The following IFT140 variants were observed in gnomAD, a reference collection of about 807,000 sequenced individuals.
IFT140 encodes the protein intraflagellar transport 140.
In IFT140, 133 loss-of-function variants were observed where a neutral mutation model predicts 164.6. That is an observed-to-expected ratio of 0.81 (90% CI 0.70 to 0.93). IFT140 has a LOEUF of 0.93. IFT140 is among the 40% of genes least tolerant of loss of function. IFT140 has a pLI of 0.00. For synonymous variants in IFT140, 860 were observed against 817.3 expected, an observed-to-expected ratio of 1.05 and a Z score of -0.89; for missense variants, 2,045 against 1,972.3, an observed-to-expected ratio of 1.04 and a Z score of -0.70.
chr16:1,603,392 CCTT>C (rs906759577), intron 3 of IFT140, among the ~76,000 whole-genome samples: 1 of 152,134 alleles, frequency 6.6e-6, no homozygotes, highest in African/African-American at 2.4e-5. Flanking sequence ...TTCATACTCT[CCTT>C]CTTTCACGCG....
chr16:1,521,188 C>T (rs567800384), intron 26 of IFT140, among the ~76,000 whole-genome samples: 9 of 150,464 alleles, frequency 6.0e-5, no homozygotes, highest in Non-Finnish European at 1.2e-4. Flanking sequence ...GGTGCAGTCA[C>T]GGCAGCCTCC....
At chr16:1,521,097 A>C (rs1024955794) in intron 26 of IFT140, among the ~76,000 whole-genome samples, 9 of 152,184 alleles carry the variant, frequency 5.9e-5, no homozygotes, top group African/African-American at 2.2e-4. Flanking sequence ...GGAAATTGGT[A>C]ATTTTCTTCT....
intron 13 of IFT140, among the ~76,000 whole-genome samples, chr16:1,572,201 T>C (rs1393818040): frequency 6.6e-6 from 1 of 152,192 alleles, no homozygotes; most frequent in Non-Finnish European, 1.5e-5. Flanking sequence ...TCCTGCAGGC[T>C]GAGGGGAAGA....
At position 1,553,001 on chromosome 16, in the gene IFT140, A is replaced by T; in HGVS notation, c.2399+4934T>A. 1 of 985,394 alleles carries T rather than the reference A, an allele frequency of 1.0e-6. No homozygotes were observed. Among genetic ancestry groups the T allele is most frequent in the Non-Finnish European group, 1.2e-6 (1 of 829,902 alleles). 61.0% of individuals were successfully genotyped at this position (985,394 alleles called of 1,614,324 possible). A position where few individuals can be genotyped will look rare whatever the true frequency, so the allele number is the denominator to read the frequency against. On this transcript the variant is annotated intron_variant, in intron 19 of 30. Coordinates refer to ENST00000426508, the MANE Select transcript of IFT140 (RefSeq NM_014714.4). This position sits in a 1 kb window ranked among gnomAD's most constrained non-coding sequence, Gnocchi z 4.4. ...AGAAGTATCCAGGAGCTACCCATGT[A>T]TAAGAAGCTCCATGAAGTATTATAA...
chr16:1,566,254 T>C lies in IFT140; in HGVS notation c.1808A>G (p.Asp603Gly). 6.2e-7 allele frequency: 1 copy of C among 1,613,828 alleles called. No individual in the cohort carries two copies. Among genetic ancestry groups the C allele is most frequent in the South Asian group, 1.1e-5 (1 of 91,078 alleles). The change falls in exon 16 of 31, where the codon GAT (aspartate) becomes GGT (glycine). Residue 603 changes from aspartate to glycine, a missense_variant. Coordinates refer to ENST00000426508, the MANE Select transcript of IFT140 (RefSeq NM_014714.4). ...GACGGTCACTGTGTCCATTTCAACA[T>C]CGTAGAAGCAGATTTTGGAATCAGG... is the stretch of plus-strand genomic sequence containing the variant. ...NSPDSKICFYDVEMDTVTVFD... is the reference protein window; with the variant it reads ...NSPDSKICFYGVEMDTVTVFD...
intron 19 of IFT140, among the ~76,000 whole-genome samples, chr16:1,536,540 C>A (rs531018313): frequency 3.3e-5 from 5 of 152,222 alleles, no homozygotes; most frequent in Non-Finnish European, 7.3e-5. Context: ...ACAAGGGAAG[C>A]GTCACGGAAG....
chr16:1,571,602 T>G (rs2034017835), intron 13 of IFT140, 68 bp from the exon 14 acceptor site: 1 of 1,476,516 alleles, frequency 6.8e-7, no homozygotes, highest in African/African-American at 1.4e-5. Context: ...CAGATAACCT[T>G]GTACACACAA....
chr16:1,520,072 C>A (rs1176664659), intron 28 of IFT140, 25 bp from the exon 29 acceptor site: 1 of 1,607,490 alleles, frequency 6.2e-7, no homozygotes, highest in Non-Finnish European at 8.5e-7. Flanking sequence ...CCCGTCAAGA[C>A]CTGCCGGGCT....
intron 30 of IFT140, among the ~76,000 whole-genome samples, chr16:1,515,458 G>A (rs142319941): frequency 1.5e-3 from 232 of 152,302 alleles, no homozygotes; most frequent in Non-Finnish European, 2.6e-3. Flanking sequence ...CCAGGCTGGA[G>A]TGCAGTGGTG....
chr16:1,592,617 A>T (rs1293685120), intron 4 of IFT140, 29 bp from the exon 5 acceptor site: 1 of 1,608,574 alleles, frequency 6.2e-7, no homozygotes, highest in African/African-American at 1.3e-5. Context: ...ACGTGTTAGG[A>T]CAGGTGTCCC....
At chr16:1,583,198 G>C (rs370159800) in intron 12 of IFT140, 116 bp downstream of exon 12, 20 of 891,460 alleles carry the variant, frequency 2.2e-5, no homozygotes, top group African/African-American at 1.8e-4. Context: ...AGTAGCACAA[G>C]GGTCTCCCCA....
At chr16:1,601,507 C>T (rs1023124615) in intron 4 of IFT140, among the ~76,000 whole-genome samples, 4 of 152,132 alleles carry the variant, frequency 2.6e-5, no homozygotes, top group African/African-American at 7.2e-5. Flanking sequence ...GCTGAAGCAT[C>T]GTTATCTGTG....
At chr16:1,589,543 G>T in intron 7 of IFT140, 62 bp downstream of exon 7, 2 of 1,532,130 alleles carry the variant, frequency 1.3e-6, no homozygotes, top group Non-Finnish European at 1.8e-6. Context: ...GGCCGTCAAC[G>T]AGGCCAGAGA....
At chr16:1,567,948 T>G (rs1472433079) in intron 15 of IFT140, among the ~76,000 whole-genome samples, 2 of 152,138 alleles carry the variant, frequency 1.3e-5, no homozygotes, top group African/African-American at 4.8e-5. Context: ...ATCGACTGTT[T>G]CGATGAAGGA....
intron 10 of IFT140, among the ~76,000 whole-genome samples, chr16:1,585,035 C>T (rs2034793755): frequency 1.3e-5 from 2 of 152,166 alleles, no homozygotes; most frequent in Admixed American, 1.3e-4. Context: ...GTGAAGGAAG[C>T]TACAACGACA....
In IFT140 at chr16:1,526,021, G is replaced by C; in HGVS notation, c.2634C>G (p.Phe878Leu). ...CCTGCCACCGGCCCGCAGCCTGGTA[G>C]AACTTGTTCAGGAGGTCGTGGCGCT... ...KCKRHDLLNK[F>L]YQAAGRWQEA... Residue 878 changes from phenylalanine to leucine, a missense_variant, in exon 21 of 31, where the codon TTC becomes TTG. Phe to Leu is a conservative substitution (Grantham distance 22). Transcript: ENST00000426508. 1 of 1,602,200 alleles carries C rather than the reference G, an allele frequency of 6.2e-7. No homozygotes were observed. The highest frequency in any genetic ancestry group is 2.3e-5 in the East Asian group (1 of 44,232).
intron 3 of IFT140, 81 bp downstream of exon 3, chr16:1,607,039 C>G: frequency 7.1e-7 from 1 of 1,400,440 alleles, no homozygotes; most frequent in Non-Finnish European, 1.0e-6. Context: ...CACACATGTG[C>G]ACACACACAA....
At chr16:1,586,074 G>C in intron 10 of IFT140, 56 bp downstream of exon 10, 1 of 1,599,920 alleles carries the variant, frequency 6.3e-7, no homozygotes, top group East Asian at 2.2e-5. Context: ...CCCGGCCATG[G>C]TCTCCACTTT....
At chr16:1,535,752 C>G (rs931583678) in intron 19 of IFT140, among the ~76,000 whole-genome samples, 1 of 152,236 alleles carries the variant, frequency 6.6e-6, no homozygotes, top group Non-Finnish European at 1.5e-5. Flanking sequence ...CACTCAAAGG[C>G]CCTCGGCTGC....
Sources: gnomAD v4.1 joint callset for allele counts (sites outside exome capture counted in the v4.1 genomes callset) on GRCh38, gnomAD v4.1.1 for gene constraint, Gnocchi (gnomAD v3.1) non-coding constraint, MANE v1.5 for transcripts, NCBI Gene and HGNC (gene_info 2026-07-23, HGNC 2026-07-21) for gene names.